LRBA: variants seen among roughly 807,000 people sequenced by gnomAD.
LRBA encodes LPS responsive beige-like anchor protein, also known as lipopolysaccharide-responsive and beige-like anchor protein.
A neutral mutation model predicts 330.0 loss-of-function variants in LRBA; 176 were observed. The ratio of observed to expected loss-of-function variants is 0.53; its 90% CI spans 0.47 to 0.60. The LOEUF is 0.60. Ranked by LOEUF, LRBA falls within the 20% of genes least tolerant of loss-of-function variation. The pLI, the probability that LRBA is intolerant of heterozygous loss-of-function variation, is 0.00. For missense variants in LRBA, 3,259 were observed against 3,444.8 expected (o/e 0.95, Z 1.35); for synonymous variants, 1,230 against 1,193.0 (o/e 1.03, Z -0.64).
chr4:150,422,147 A>C (rs1383791207), intron 46 of LRBA, among the ~76,000 whole-genome samples: 3 of 152,160 alleles, frequency 2.0e-5, no homozygotes, highest in African/African-American at 7.2e-5. Context: ...CTGTAGTCCC[A>C]GCTACTCTGG....
At chr4:150,447,818 T>A (rs1752802223) in intron 44 of LRBA, among the ~76,000 whole-genome samples, 1 of 152,218 alleles carries the variant, frequency 6.6e-6, no homozygotes, top group African/African-American at 2.4e-5. Context: ...ATAAACTACC[T>A]CATTCTGGTA....
At position 150,893,093 on chromosome 4, in the gene LRBA, A is replaced by T; in HGVS notation, c.2124T>A (p.Pro708=). 1 of 1,612,596 alleles carries T rather than the reference A, an allele frequency of 6.2e-7. No homozygotes were observed. The highest frequency in any genetic ancestry group is 8.5e-7 in the Non-Finnish European group (1 of 1,179,078). ...QLLVALMSEH[P]NSMIPAFDQR... The stretch of plus-strand genomic sequence containing the variant: ...GGTCAAAAGCAGGAATCATAGAGTT[A>T]GGGTGTTCTGACATTAATGCAACAA... The change falls in exon 17 of 57, where the codon CCT becomes CCA. Residue 708 remains proline, a synonymous_variant. Transcript: ENST00000651943.
chr4:150,805,842 C>T (rs1292808827), intron 33 of LRBA, among the ~76,000 whole-genome samples: 6 of 151,940 alleles, frequency 3.9e-5, no homozygotes, highest in African/African-American at 1.2e-4. Context: ...CTATGAATGA[C>T]GTAAGCAGTA....
chr4:150,690,149 CTT>C (rs1004476761), intron 36 of LRBA, among the ~76,000 whole-genome samples: 3 of 151,982 alleles, frequency 2.0e-5, no homozygotes, highest in Non-Finnish European at 4.4e-5. Context: ...TCAACACAAT[CTT>C]AATAAAAATT....
chr4:150,910,009 A>ATTG (rs566236300), intron 9 of LRBA, among the ~76,000 whole-genome samples: 16 of 151,770 alleles, frequency 1.1e-4, no homozygotes, highest in South Asian at 2.1e-4. Flanking sequence ...TTGTTTTGTT[A>ATTG]TTGTTGTTGT....
rs144555092 is a variant in LRBA at position 150,775,029 on chromosome 4, G to A, written c.5581-13182C>T. Among the ~76,000 whole-genome samples, 467 of 152,216 alleles carry A rather than the reference G, an allele frequency of 3.1e-3. 2 individuals are homozygous for A. Among genetic ancestry groups the A allele is most frequent in the Middle Eastern group, 0.01 (3 of 294 alleles). On this transcript the variant is annotated intron_variant, in intron 34 of 56. Transcript: ENST00000651943. ...TTCTGCTTGCTGCTTTGACTCTGCT[G>A]TCCATTATGGTGACCACATTCAACT...
chr4:150,537,730 C>T (rs867117843), intron 40 of LRBA, among the ~76,000 whole-genome samples: 1 of 152,140 alleles, frequency 6.6e-6, no homozygotes, highest in African/African-American at 2.4e-5. Flanking sequence ...GCAGGTGGAT[C>T]ACTTGAGGTC....
At position 150,958,194 on chromosome 4, in the gene LRBA, C is replaced by T. The variant is rs910737662; in HGVS notation, c.217-29129G>A. Among the ~76,000 whole-genome samples the T allele has an allele frequency of 1.1e-4, 16 of 149,086 alleles. 1 individual carries two copies. The highest frequency in any genetic ancestry group is 1.9e-4 in the Non-Finnish European group (13 of 68,030). Reference sequence around the variant, plus strand: ...CTCCACCCCTGCAGCACACCTCTGCCTGGACATCCAGGTATTTTCATACAT... The same window carrying T: ...CTCCACCCCTGCAGCACACCTCTGCTTGGACATCCAGGTATTTTCATACAT... On this transcript the variant is annotated intron_variant, in intron 2 of 56. Coordinates refer to ENST00000651943, the MANE Select transcript of LRBA (RefSeq NM_001364905.1).
chr4:150,588,494 CA>C (rs1202367395), intron 39 of LRBA, among the ~76,000 whole-genome samples: 2 of 152,144 alleles, frequency 1.3e-5, no homozygotes, highest in South Asian at 4.1e-4. Context: ...TAAATAAGTC[CA>C]TCCACATTCC....
intron 42 of LRBA, among the ~76,000 whole-genome samples, chr4:150,481,241 T>C (rs914860394): frequency 6.6e-6 from 1 of 152,092 alleles, no homozygotes; most frequent in Admixed American, 6.6e-5. Flanking sequence ...CACTTATCTG[T>C]TGCTGAACAC....
At chr4:150,796,255 C>G (rs1468218503) in intron 34 of LRBA, among the ~76,000 whole-genome samples, 1 of 151,902 alleles carries the variant, frequency 6.6e-6, no homozygotes, top group Non-Finnish European at 1.5e-5. Context: ...CAGTTCACTT[C>G]TTAACAAAAT....
At chr4:150,467,044 A>C (rs1212718212) in intron 44 of LRBA, among the ~76,000 whole-genome samples, 1 of 152,146 alleles carries the variant, frequency 6.6e-6, no homozygotes, top group Non-Finnish European at 1.5e-5. Context: ...GTCATACCAG[A>C]GAGCATGAAA....
chr4:150,404,040 A>C (rs555592324), intron 47 of LRBA, among the ~76,000 whole-genome samples: 15 of 152,222 alleles, frequency 9.9e-5, no homozygotes, highest in African/African-American at 2.6e-4. Flanking sequence ...TCAAAAAAAA[A>C]CACCACCCAA....
At chr4:150,931,224 A>T (rs57839472) in intron 2 of LRBA, among the ~76,000 whole-genome samples, 36 of 152,128 alleles carry the variant, frequency 2.4e-4, no homozygotes, top group African/African-American at 8.7e-4. Flanking sequence ...TTACATAATC[A>T]TAGTACAGTT....
chr4:150,809,611 T>C (rs956433127), intron 31 of LRBA, among the ~76,000 whole-genome samples: 8 of 152,102 alleles, frequency 5.3e-5, no homozygotes, highest in Admixed American at 3.3e-4. Context: ...TCCCAACACT[T>C]TGGGAGGCCA....
intron 37 of LRBA, among the ~76,000 whole-genome samples, chr4:150,615,835 A>T (rs1775723530): frequency 6.6e-6 from 1 of 152,034 alleles, no homozygotes; most frequent in Non-Finnish European, 1.5e-5. Context: ...ACATGCAAGC[A>T]GAAGTGATTG....
At chr4:150,422,385 G>A (rs572101313) in intron 46 of LRBA, among the ~76,000 whole-genome samples, 4 of 152,188 alleles carry the variant, frequency 2.6e-5, no homozygotes, top group African/African-American at 9.6e-5. Flanking sequence ...ACCCATCATT[G>A]TGACTTTTCT....
At chr4:150,850,944 C>A in intron 23 of LRBA, 42 bp from the exon 24 acceptor site, 1 of 1,420,078 alleles carries the variant, frequency 7.0e-7, no homozygotes, top group Non-Finnish European at 9.7e-7. Context: ...GGTTCAACTT[C>A]AGCAGGAGGC....
chr4:150,991,831 A>G (rs1742121891), intron 2 of LRBA, among the ~76,000 whole-genome samples: 1 of 152,244 alleles, frequency 6.6e-6, no homozygotes, highest in South Asian at 2.1e-4. Flanking sequence ...GACTTTTAAG[A>G]TGACAAAGAT....
Sources: allele counts gnomAD v4.1 joint callset (sites outside exome capture counted in the v4.1 genomes callset), GRCh38; gene constraint gnomAD v4.1.1; transcripts MANE v1.5; gene names NCBI Gene and HGNC (gene_info 2026-07-23, HGNC 2026-07-21).